Variants in SPOCK1 observed in about 807,000 individuals in gnomAD.
SPOCK1 encodes SPARC (osteonectin), cwcv and kazal like domains proteoglycan 1.
In SPOCK1, 23 loss-of-function variants were observed where a neutral mutation model predicts 55.3. That is an observed-to-expected ratio of 0.42 (90% confidence interval 0.30 to 0.59). SPOCK1 has a LOEUF of 0.59. SPOCK1 is among the 20% of genes least tolerant of loss of function. SPOCK1 has a pLI of 0.22. For missense variants in SPOCK1, 499 were observed against 552.5 expected (o/e 0.90, Z 0.97); for synonymous variants, 226 against 221.0 (o/e 1.02, Z -0.20).
intron 2 of SPOCK1, among the ~76,000 whole-genome samples, chr5:137,305,672 G>A (rs532636901): frequency 2.0e-5 from 3 of 152,246 alleles, no homozygotes; most frequent in South Asian, 2.1e-4. Flanking sequence ...GTAAAAACAC[G>A]CCTTCTCATT....
chr5:137,353,167 C>G (rs999351577), intron 2 of SPOCK1, among the ~76,000 whole-genome samples: 1 of 152,038 alleles, frequency 6.6e-6, no homozygotes, highest in Non-Finnish European at 1.5e-5. Flanking sequence ...ATCGATAGAG[C>G]CCAAAAGTTA....
At chr5:137,213,942 T>C (rs1479941006) in intron 3 of SPOCK1, among the ~76,000 whole-genome samples, 2 of 152,178 alleles carry the variant, frequency 1.3e-5, no homozygotes, top group Non-Finnish European at 2.9e-5. Context: ...ACAAAACCAA[T>C]GTGCATCTGT....
At chr5:137,157,371 A>G (rs1359119838) in intron 3 of SPOCK1, among the ~76,000 whole-genome samples, 1 of 152,194 alleles carries the variant, frequency 6.6e-6, no homozygotes, top group Admixed American at 6.6e-5. Context: ...CTGTGTCATT[A>G]TTCTTCCTTT....
Position 137,100,083 on chromosome 5 carries a change from G to A in SPOCK1, c.474+12352C>T, listed in dbSNP as rs73295622. 5.0e-3 allele frequency among the ~76,000 whole-genome samples: 760 copies of A among 152,208 alleles called. 9 individuals are homozygous for A. Among genetic ancestry groups the A allele is most frequent in the African/African-American group, 0.017 (710 of 41,534 alleles). ...GTCTATCATACGGCTGGATTTCCAC[G>A]TGTACAACAACATTTCCAATGTGAT... On this transcript the variant is annotated intron_variant, in intron 5 of 10. Transcript: ENST00000394945.
At chr5:137,162,330 G>C (rs181001667) in intron 3 of SPOCK1, among the ~76,000 whole-genome samples, 1 of 151,848 alleles carries the variant, frequency 6.6e-6, no homozygotes, top group East Asian at 1.9e-4. Context: ...GTAGAGACAG[G>C]GTTTCACCAT....
intron 3 of SPOCK1, among the ~76,000 whole-genome samples, chr5:137,195,954 C>T (rs888959765): frequency 1.3e-5 from 2 of 152,156 alleles, no homozygotes; most frequent in Admixed American, 6.5e-5. Flanking sequence ...ACTAAGATAC[C>T]TCATCCTGGG....
intron 3 of SPOCK1, among the ~76,000 whole-genome samples, chr5:137,204,196 C>A (rs1443407576): frequency 2.0e-5 from 3 of 152,058 alleles, no homozygotes; most frequent in Non-Finnish European, 4.4e-5. Flanking sequence ...AAGTCTTTAG[C>A]CCTGGCTTAA....
chr5:137,234,439 C>T (rs1756134112), intron 3 of SPOCK1, among the ~76,000 whole-genome samples: 1 of 152,192 alleles, frequency 6.6e-6, no homozygotes, highest in Non-Finnish European at 1.5e-5. Context: ...CAAACCAGCT[C>T]ACCTTCTTAC....
rs202146486 is a variant in SPOCK1, at chr5:137,102,112, T to C, written c.474+10323A>G. ...GTGGTATACTACTTATTAAATTTTA[T>C]TCATGCAGTATAAACTCTTTTCCTC... On this transcript the variant is annotated intron_variant, in intron 5 of 10. Coordinates refer to ENST00000394945, the MANE Select transcript of SPOCK1 (RefSeq NM_004598.4). Among the ~76,000 whole-genome samples the C allele has an allele frequency of 2.6e-5, 4 of 152,316 alleles. No individual in the cohort carries two copies. The East Asian group carries it at 7.7e-4, about 29-fold the overall frequency.
At chr5:137,074,347 A>T (rs1329657967) in intron 5 of SPOCK1, among the ~76,000 whole-genome samples, 1 of 152,224 alleles carries the variant, frequency 6.6e-6, no homozygotes, top group East Asian at 1.9e-4. Context: ...TTACAGGCAT[A>T]ATACCTACTA....
intron 2 of SPOCK1, among the ~76,000 whole-genome samples, chr5:137,375,433 G>A (rs1387178298): frequency 1.3e-5 from 2 of 152,156 alleles, no homozygotes; most frequent in East Asian, 3.8e-4. Context: ...AGCACTGTCT[G>A]GGAAGGGCAC....
At chr5:137,461,174 C>T (rs1753482270) in intron 2 of SPOCK1, among the ~76,000 whole-genome samples, 1 of 152,190 alleles carries the variant, frequency 6.6e-6, no homozygotes, top group Non-Finnish European at 1.5e-5. Flanking sequence ...CATATTAGTG[C>T]TCAATACATT....
At chr5:137,106,741 T>A (rs1753377807) in intron 5 of SPOCK1, among the ~76,000 whole-genome samples, 1 of 152,130 alleles carries the variant, frequency 6.6e-6, no homozygotes, top group South Asian at 2.1e-4. Flanking sequence ...AGTGTAAGCA[T>A]ACTCAAAAAT....
chr5:137,337,862 G>A (rs1206333918), intron 2 of SPOCK1, among the ~76,000 whole-genome samples: 2 of 152,176 alleles, frequency 1.3e-5, no homozygotes, highest in African/African-American at 4.8e-5. Context: ...AGGAGTGGGA[G>A]AGTGATTTGG....
chr5:137,093,217 A>T (rs907616280), intron 5 of SPOCK1, among the ~76,000 whole-genome samples: 1 of 152,196 alleles, frequency 6.6e-6, no homozygotes. Flanking sequence ...TGTATTAACC[A>T]TCATGATCCT....
At chr5:137,432,523 G>A (rs1580924013) in intron 2 of SPOCK1, among the ~76,000 whole-genome samples, 1 of 152,154 alleles carries the variant, frequency 6.6e-6, no homozygotes, top group East Asian at 1.9e-4. Flanking sequence ...ATGCTGTTAG[G>A]ATTCCTGCCT....
At chr5:137,182,133 C>G (rs1160433351) in intron 3 of SPOCK1, among the ~76,000 whole-genome samples, 1 of 152,122 alleles carries the variant, frequency 6.6e-6, no homozygotes, top group Non-Finnish European at 1.5e-5. Context: ...CTTTTTTGCC[C>G]TGCATCCTTC....
chr5:137,112,504 C>T lies in SPOCK1; in HGVS notation c.405G>A (p.Lys135=). Residue 135 remains lysine (K), a synonymous_variant, in exon 5 of 11, where the codon AAG becomes AAA. Coordinates refer to ENST00000394945, the MANE Select transcript of SPOCK1 (RefSeq NM_004598.4). The part of the protein sequence containing the change: ...KHWVGPSNLV[K]CKPCPVAQSA... ...ACTGTGCCACGGGACAGGGCTTGCA[C>T]TTGACCAAATTCGAAGGTCCAACCC... The T allele has an allele frequency of 3.7e-6, 6 of 1,613,902 alleles. No individual in the cohort carries two copies. Among genetic ancestry groups the T allele is most frequent in the African/African-American group, 1.3e-5 (1 of 75,046 alleles).
intron 3 of SPOCK1, among the ~76,000 whole-genome samples, chr5:137,260,799 A>G (rs138395660): frequency 4.6e-5 from 7 of 152,240 alleles, no homozygotes; most frequent in Non-Finnish European, 8.8e-5. Context: ...CAATACTCCA[A>G]ACTTTTTTTA....
Sources: allele counts gnomAD v4.1 joint callset (sites outside exome capture counted in the v4.1 genomes callset), GRCh38; gene constraint gnomAD v4.1.1; transcripts MANE v1.5; gene names NCBI Gene and HGNC (gene_info 2026-07-23, HGNC 2026-07-21).